The following COL21A1 variants were observed in gnomAD, a reference collection of about 807,000 sequenced individuals.
COL21A1 encodes collagen alpha-1(XXI) chain.
COL21A1 carries 149 observed loss-of-function variants against 137.9 expected under a neutral mutation model. That is an observed-to-expected ratio of 1.08 (90% CI 0.95 to 1.24). COL21A1 has a LOEUF of 1.24. Ranked by LOEUF, COL21A1 falls within the 50% of genes most tolerant of loss-of-function variation. The pLI is 0.00. For missense variants in COL21A1, 1,167 were observed against 1,158.4 expected, an observed-to-expected ratio of 1.01 and a Z score of -0.11; for synonymous variants, 456 against 391.5, an observed-to-expected ratio of 1.16 and a Z score of -1.95.
Position 56,097,978 on chromosome 6 carries a change from TATATAA to T in COL21A1, c.1812+3488_1812+3493del, listed in dbSNP as rs1458343411. On this transcript the variant is annotated intron_variant, in intron 17 of 29. Coordinates refer to ENST00000244728, the MANE Select transcript of COL21A1 (RefSeq NM_030820.4). ...AAAAATATATATAAATATATAAATA[TATATAA>T]ATATATATGTAAATATATAAATATA... Among the ~76,000 whole-genome samples the T allele has an allele frequency of 3.7e-4, 25 of 67,910 alleles. 3 individuals are homozygous for T. The highest frequency in any genetic ancestry group is 1.4e-3 in the South Asian group (3 of 2,146). 44.6% of individuals were successfully genotyped at this position (67,910 alleles called of 152,430 possible).
chr6:56,192,817 C>A (rs952692478), intron 1 of COL21A1, among the ~76,000 whole-genome samples: 1 of 151,588 alleles, frequency 6.6e-6, no homozygotes, highest in Non-Finnish European at 1.5e-5. Context: ...ACCATTTGAC[C>A]CAGCAATCCC....
At chr6:56,127,549 G>A (rs1773147518) in intron 12 of COL21A1, among the ~76,000 whole-genome samples, 1 of 152,120 alleles carries the variant, frequency 6.6e-6, no homozygotes. Flanking sequence ...TCCTGAGAAG[G>A]AATACACGGG....
chr6:56,260,010 AC>A (rs1420399434), intron 1 of COL21A1, among the ~76,000 whole-genome samples: 2 of 152,152 alleles, frequency 1.3e-5, no homozygotes, highest in South Asian at 4.1e-4. Flanking sequence ...TCTCACATTA[AC>A]CTTTAGATTC....
intron 1 of COL21A1, among the ~76,000 whole-genome samples, chr6:56,307,163 G>T (rs180742314): frequency 1.4e-4 from 22 of 152,278 alleles, no homozygotes; most frequent in African/African-American, 5.1e-4. Context: ...TAGGCAACTT[G>T]GGGGTCAGGG....
At chr6:56,356,893 A>G (rs886226308) in intron 1 of COL21A1, among the ~76,000 whole-genome samples, 14 of 152,198 alleles carry the variant, frequency 9.2e-5, no homozygotes, top group Admixed American at 1.3e-4. Context: ...TATGAAATGC[A>G]TCTCTATTTG....
intron 1 of COL21A1, among the ~76,000 whole-genome samples, chr6:56,192,063 TTA>T (rs1261164910): frequency 1.3e-5 from 2 of 152,096 alleles, no homozygotes; most frequent in Non-Finnish European, 2.9e-5. Context: ...TACAACCATC[TTA>T]TCTTTGACAA....
At chr6:56,243,021 C>T (rs1782429716) in intron 1 of COL21A1, among the ~76,000 whole-genome samples, 1 of 152,118 alleles carries the variant, frequency 6.6e-6, no homozygotes, top group Non-Finnish European at 1.5e-5. Context: ...TTATCCAGTG[C>T]CACCACTAAC....
At chr6:56,241,911 A>G (rs1032843532) in intron 1 of COL21A1, among the ~76,000 whole-genome samples, 1 of 152,174 alleles carries the variant, frequency 6.6e-6, no homozygotes, top group Non-Finnish European at 1.5e-5. Flanking sequence ...TTTCATTTTT[A>G]AAAAAGAAAC....
Position 56,306,212 on chromosome 6 carries a change from G to A in COL21A1, c.-39+87759C>T, listed in dbSNP as rs910621444. 2.1e-5 allele frequency among the ~76,000 whole-genome samples: 3 copies of A among 141,138 alleles called. No homozygotes were observed. In the East Asian group the frequency reaches 6.2e-4, roughly 29 times the overall value. The allele number at this position is 141,138 out of a possible 152,430, so 92.6% of individuals were successfully genotyped here. A position where few individuals can be genotyped will look rare whatever the true frequency, so the allele number is the denominator to read the frequency against. On this transcript the variant is annotated intron_variant, in intron 1 of 28. Transcript: ENST00000370819. ...GTGAATCTGACAATTATGTGTCTTG[G>A]AGTTGCTCTTCTCGAGGAGTATCTT...
intron 10 of COL21A1, among the ~76,000 whole-genome samples, chr6:56,148,459 T>C (rs1255172109): frequency 1.3e-5 from 2 of 151,960 alleles, no homozygotes; most frequent in African/African-American, 4.8e-5. Flanking sequence ...TAGAATGTAT[T>C]TCATATACTT....
At chr6:56,370,466 C>T (rs995066842) in intron 1 of COL21A1, among the ~76,000 whole-genome samples, 3 of 152,178 alleles carry the variant, frequency 2.0e-5, no homozygotes, top group East Asian at 3.8e-4. Flanking sequence ...AAAATAACTG[C>T]GGTCCCTCTG....
intron 23 of COL21A1, among the ~76,000 whole-genome samples, chr6:56,067,004 A>ATGTGG: frequency 3.6e-5 from 1 of 27,784 alleles, no homozygotes; most frequent in South Asian, 1.0e-3. Context: ...TGTATGTGGT[A>ATGTGG]TATATATATA....
At chr6:56,198,304 A>G in intron 1 of COL21A1, among the ~76,000 whole-genome samples, 1 of 152,100 alleles carries the variant, frequency 6.6e-6, no homozygotes, top group East Asian at 1.9e-4. Flanking sequence ...ACAGCATAGT[A>G]ACTACAGTTA....
chr6:56,297,982 C>T (rs192670250), intron 1 of COL21A1, among the ~76,000 whole-genome samples: 14 of 151,980 alleles, frequency 9.2e-5, no homozygotes, highest in African/African-American at 3.4e-4. Flanking sequence ...TGACAAAATC[C>T]TGGTGTGGAA....
At chr6:56,205,826 A>G (rs564697123) in intron 1 of COL21A1, among the ~76,000 whole-genome samples, 1 of 152,220 alleles carries the variant, frequency 6.6e-6, no homozygotes, top group Non-Finnish European at 1.5e-5. Context: ...GGGGACCAAT[A>G]TTCTACATTC....
chr6:56,336,064 T>G (rs1284690943), intron 1 of COL21A1, among the ~76,000 whole-genome samples: 1 of 152,254 alleles, frequency 6.6e-6, no homozygotes. Context: ...TGCTGTGTGC[T>G]AAGTTCTTTG....
In COL21A1 at chr6:56,277,625, T is replaced by G. The variant is rs112216946; in HGVS notation, c.-38-94969A>C. 6.1e-3 allele frequency among the ~76,000 whole-genome samples: 937 copies of G among 152,364 alleles called. 13 individuals are homozygous for G. Among genetic ancestry groups the G allele is most frequent in the African/African-American group, 0.021 (870 of 41,586 alleles). On this transcript the variant is annotated intron_variant, in intron 1 of 28. Coordinates refer to the COL21A1 transcript ENST00000370819. Reference sequence around the variant, plus strand: ...ATAAAAATATACCAATTCTTGTAGATATTTTACAACTGTGTAGCAGATTTT... The same window carrying G: ...ATAAAAATATACCAATTCTTGTAGAGATTTTACAACTGTGTAGCAGATTTT...
chr6:56,091,175 C>T (rs1768781732), intron 17 of COL21A1, among the ~76,000 whole-genome samples: 1 of 152,174 alleles, frequency 6.6e-6, no homozygotes, highest in Non-Finnish European at 1.5e-5. Context: ...TTATGCATGT[C>T]TTCTGCATAT....
chr6:56,094,701 A>T (rs1769167303), intron 17 of COL21A1, among the ~76,000 whole-genome samples: 1 of 152,172 alleles, frequency 6.6e-6, no homozygotes, highest in African/African-American at 2.4e-5. Context: ...CATGGCAGAG[A>T]TTTGTTGCAA....
Sources: gnomAD v4.1 joint callset for allele counts (sites outside exome capture counted in the v4.1 genomes callset) on GRCh38, gnomAD v4.1.1 for gene constraint, MANE v1.5 for transcripts, NCBI Gene and HGNC (gene_info 2026-07-23, HGNC 2026-07-21) for gene names.